Variants in RPS6KA2 observed in about 807,000 individuals in gnomAD.
The protein encoded by RPS6KA2 is ribosomal protein S6 kinase alpha-2.
Under a neutral mutation model 91.8 loss-of-function variants are expected in RPS6KA2, and 42 were observed. The observed-to-expected ratio is 0.46, with a 90% CI of 0.36 to 0.59. The LOEUF is 0.59. RPS6KA2 is among the 20% of genes least tolerant of loss of function. RPS6KA2 has a pLI of 0.00. For missense variants in RPS6KA2, 798 were observed against 978.5 expected, an observed-to-expected ratio of 0.82 and a Z score of 2.46; for synonymous variants, 414 against 393.6, an observed-to-expected ratio of 1.05 and a Z score of -0.61.
chr6:166,720,534 C>T (rs2128584245), intron 2 of RPS6KA2, among the ~76,000 whole-genome samples: 1 of 152,030 alleles, frequency 6.6e-6, no homozygotes, highest in East Asian at 1.9e-4. Flanking sequence ...AAATCTCTCC[C>T]CAAAAATAAA....
rs936390580 is a variant in RPS6KA2, at chr6:166,821,524, G to A, written c.123+36676C>T. Among the ~76,000 whole-genome samples the A allele has an allele frequency of 6.6e-6, 1 of 152,024 alleles. No individual in the cohort carries two copies. The highest frequency in any genetic ancestry group is 1.5e-5 in the Non-Finnish European group (1 of 67,992). On this transcript the variant is annotated intron_variant, in intron 2 of 21. Transcript: ENST00000503859. This position sits in a 1 kb window ranked among gnomAD's most constrained non-coding sequence, Gnocchi z 4.1. ...CAGTCTCCATCCTTAGCCTGGCACG[G>A]GTCTGCCCTGTCCATGTGCATCCTC...
intron 10 of RPS6KA2, among the ~76,000 whole-genome samples, chr6:166,483,334 T>G (rs1194852523): frequency 6.6e-6 from 1 of 152,124 alleles, no homozygotes; most frequent in African/African-American, 2.4e-5. Context: ...ACAACCCCCA[T>G]GCCACTGTGG....
At chr6:166,745,148 C>CTTTTTTTTTTTTTTTTTTTTTTTT (rs147789754) in intron 2 of RPS6KA2, among the ~76,000 whole-genome samples, 1 of 105,938 alleles carries the variant, frequency 9.4e-6, no homozygotes, top group Admixed American at 9.8e-5. Flanking sequence ...CCTAATCGGC[C>CTTTTTTTTTTTTTTTTTTTTTTTT]TTTTTTTTTT....
chr6:166,846,653 C>G (rs1780613090), intron 2 of RPS6KA2, among the ~76,000 whole-genome samples: 1 of 152,148 alleles, frequency 6.6e-6, no homozygotes, highest in Non-Finnish European at 1.5e-5. Context: ...TTGACAATAT[C>G]CAGCATTGCT....
At chr6:166,627,960 C>T (rs1034348047), upstream of RPS6KA2, 2 of 152,166 alleles carry the variant, frequency 1.3e-5, no homozygotes, top group Non-Finnish European at 2.9e-5. Context: ...GCCTTCCCTC[C>T]GCCGGAGCGG....
intron 2 of RPS6KA2, among the ~76,000 whole-genome samples, chr6:166,694,212 T>C (rs1789294439): frequency 6.6e-6 from 1 of 152,228 alleles, no homozygotes; most frequent in South Asian, 2.1e-4. Context: ...GAATTTCACT[T>C]GGCAGATCAC....
intron 13 of RPS6KA2, among the ~76,000 whole-genome samples, chr6:166,449,794 G>A (rs13209341): frequency 0.15 from 16,966 of 113,216 alleles, 1,520 homozygotes; most frequent in Middle Eastern, 0.3. Flanking sequence ...CACCATGGGA[G>A]CCACCACGGG....
chr6:166,827,516 C>T (rs1406099020), intron 2 of RPS6KA2, among the ~76,000 whole-genome samples: 2 of 152,092 alleles, frequency 1.3e-5, no homozygotes, highest in African/African-American at 4.8e-5. Flanking sequence ...ACATGTATTC[C>T]CATTGCAATG....
chr6:166,424,571 C>G (rs1347674007), intron 16 of RPS6KA2, among the ~76,000 whole-genome samples: 2 of 152,232 alleles, frequency 1.3e-5, no homozygotes, highest in Non-Finnish European at 2.9e-5. Context: ...CTGCCTGGAA[C>G]CAGAGAGTGG....
In RPS6KA2 at chr6:166,821,676, T is replaced by C. The variant is rs1435208354; in HGVS notation, c.123+36524A>G. ...GATTTCCACTCGGAGCCCTCATCCC[T>C]TCATAATCTGTAGCCTCTTCCAAGA... On this transcript the variant is annotated intron_variant, in intron 2 of 21. Coordinates refer to the RPS6KA2 transcript ENST00000503859. This position sits in a 1 kb window ranked among gnomAD's most constrained non-coding sequence, Gnocchi z 4.1. Among the ~76,000 whole-genome samples, 2 of 152,092 alleles carry C rather than the reference T, an allele frequency of 1.3e-5. No individual in the cohort carries two copies. Among genetic ancestry groups the C allele is most frequent in the Non-Finnish European group, 2.9e-5 (2 of 68,010 alleles).
chr6:166,754,696 G>A (rs1487159902), intron 2 of RPS6KA2, among the ~76,000 whole-genome samples: 2 of 152,190 alleles, frequency 1.3e-5, no homozygotes, highest in African/African-American at 4.8e-5. Flanking sequence ...GGGCCAGCAA[G>A]CCTCCCCCTG....
At chr6:166,519,156 A>C (rs1782760806) in intron 3 of RPS6KA2, among the ~76,000 whole-genome samples, 1 of 152,206 alleles carries the variant, frequency 6.6e-6, no homozygotes, top group African/African-American at 2.4e-5. Context: ...TTCATTTCTA[A>C]GATCTAGATG....
At position 166,430,631 on chromosome 6, in the gene RPS6KA2, C is replaced by T. The variant is rs544161287; in HGVS notation, c.1423-20G>A. ...ATAGACCTGCGGAGTGGAGAAGGGG[C>T]GCACACGTCACCACGGCTGGTTGCT... is the stretch of plus-strand genomic sequence containing the variant. On this transcript the variant is annotated intron_variant, in intron 15 of 20. Transcript: ENST00000265678. 7.5e-6 allele frequency: 12 copies of T among 1,599,494 alleles called. No individual in the cohort carries two copies. Among genetic ancestry groups the T allele is most frequent in the Middle Eastern group, 1.7e-4 (1 of 6,012 alleles).
At chr6:166,587,139 C>T (rs1785201138) in intron 1 of RPS6KA2, among the ~76,000 whole-genome samples, 1 of 152,214 alleles carries the variant, frequency 6.6e-6, no homozygotes, top group Admixed American at 6.5e-5. Context: ...TGACATTAGA[C>T]TAACACATAA....
intron 1 of RPS6KA2, among the ~76,000 whole-genome samples, chr6:166,584,380 G>A (rs1369742855): frequency 6.6e-6 from 1 of 152,222 alleles, no homozygotes; most frequent in Non-Finnish European, 1.5e-5. Flanking sequence ...GAATCACACT[G>A]GGGGTTGGAG....
chr6:166,576,937 G>A (rs1404790529), intron 1 of RPS6KA2, among the ~76,000 whole-genome samples: 1 of 150,482 alleles, frequency 6.6e-6, no homozygotes, highest in Non-Finnish European at 1.5e-5. Context: ...TGGGTCCAGG[G>A]TCCCAGAGCT....
At chr6:166,616,555 C>T (rs967671495) in intron 1 of RPS6KA2, among the ~76,000 whole-genome samples, 1 of 152,254 alleles carries the variant, frequency 6.6e-6, no homozygotes, top group African/African-American at 2.4e-5. Flanking sequence ...AGCCTAGGGA[C>T]AGCCAGGCTC....
intron 10 of RPS6KA2, among the ~76,000 whole-genome samples, chr6:166,485,403 A>T (rs77080807): frequency 0.019 from 2,899 of 152,284 alleles, 62 homozygotes; most frequent in Admixed American, 0.056. Context: ...GTGGGTTGAG[A>T]TCTGCTGAGC....
intron 2 of RPS6KA2, among the ~76,000 whole-genome samples, chr6:166,811,696 G>C (rs576931869): frequency 6.6e-6 from 1 of 152,342 alleles, no homozygotes; most frequent in East Asian, 1.9e-4. Flanking sequence ...TCCAAGGAAA[G>C]CATCCCCTAA....
Sources: allele counts gnomAD v4.1 joint callset (sites outside exome capture counted in the v4.1 genomes callset), GRCh38; gene constraint gnomAD v4.1.1; non-coding constraint Gnocchi (gnomAD v3.1); transcripts MANE v1.5; gene names NCBI Gene and HGNC (gene_info 2026-07-23, HGNC 2026-07-21).